ARHGAP6: variants seen among roughly 807,000 people sequenced by gnomAD.
ARHGAP6 encodes rho GTPase-activating protein 6.
ARHGAP6 carries 16 observed loss-of-function variants against 55.7 expected under a neutral mutation model. That is an observed-to-expected ratio of 0.29 (90% CI 0.19 to 0.44). ARHGAP6 has a LOEUF of 0.44. Among genes scored for constraint, ARHGAP6 ranks in the 20% least tolerant of loss-of-function variants. ARHGAP6 has a pLI of 1.00. For missense variants in ARHGAP6, 698 were observed against 808.9 expected, an observed-to-expected ratio of 0.86 and a Z score of 1.66; for synonymous variants, 382 against 360.9, an observed-to-expected ratio of 1.06 and a Z score of -0.66.
At chrX:11,506,337 C>A (rs895695340) in intron 1 of ARHGAP6, among the ~76,000 whole-genome samples, 1 of 110,881 alleles carries the variant, frequency 9.0e-6, no homozygotes. Context: ...GTTTGCCGCA[C>A]CCATCAACCT....
intron 1 of ARHGAP6, among the ~76,000 whole-genome samples, chrX:11,384,645 T>C (rs769442524): frequency 3.6e-5 from 4 of 112,171 alleles, no homozygotes; most frequent in Non-Finnish European, 5.6e-5. Flanking sequence ...GGGTAGAGAA[T>C]GCAGAATGAT....
chrX:11,355,305 T>C (rs1284728126), intron 1 of ARHGAP6, among the ~76,000 whole-genome samples: 4 of 112,321 alleles, frequency 3.6e-5, no homozygotes, highest in African/African-American at 1.3e-4. Flanking sequence ...TTGAAAGACA[T>C]TGAGGCATCC....
chrX:11,499,147 C>T (rs939386011), intron 1 of ARHGAP6, among the ~76,000 whole-genome samples: 3 of 112,120 alleles, frequency 2.7e-5, no homozygotes, highest in Admixed American at 9.5e-5. Context: ...TCTAAGAATG[C>T]CAAAACAAGT....
intron 1 of ARHGAP6, among the ~76,000 whole-genome samples, chrX:11,528,400 A>G (rs760510591): frequency 1.8e-5 from 2 of 111,980 alleles, no homozygotes; most frequent in Non-Finnish European, 3.8e-5. Context: ...GGCATATGTT[A>G]TATATTCCCC....
At chrX:11,458,108 A>G (rs913329247) in intron 1 of ARHGAP6, among the ~76,000 whole-genome samples, 3 of 112,261 alleles carry the variant, frequency 2.7e-5, no homozygotes, top group Non-Finnish European at 3.8e-5. Context: ...TACTTTAAAG[A>G]TCTTTCCTGT....
intron 1 of ARHGAP6, among the ~76,000 whole-genome samples, chrX:11,458,792 T>TGGA (rs1215321918): frequency 9.1e-6 from 1 of 110,066 alleles, no homozygotes; most frequent in African/African-American, 3.3e-5. Context: ...TCTGTCCTCA[T>TGGA]GGAGCTTACA....
chrX:11,354,899 G>T (rs1273018003), intron 1 of ARHGAP6, among the ~76,000 whole-genome samples: 1 of 111,640 alleles, frequency 9.0e-6, no homozygotes, highest in Non-Finnish European at 1.9e-5. Flanking sequence ...TAGGAAGAAT[G>T]CATAATATAA....
At chrX:11,356,710 T>A (rs1455976466) in intron 1 of ARHGAP6, among the ~76,000 whole-genome samples, 18 of 111,674 alleles carry the variant, frequency 1.6e-4, no homozygotes, top group Non-Finnish European at 1.5e-4. Context: ...ATTGTTAGAC[T>A]GTGCTTCAAC....
At chrX:11,351,944 T>C (rs2048868335) in intron 1 of ARHGAP6, among the ~76,000 whole-genome samples, 1 of 112,526 alleles carries the variant, frequency 8.9e-6, no homozygotes, top group Non-Finnish European at 1.9e-5. Context: ...AATACTTGAG[T>C]GATCATTGGA....
intron 1 of ARHGAP6, among the ~76,000 whole-genome samples, chrX:11,385,558 C>T (rs189698819): frequency 8.9e-6 from 1 of 111,776 alleles, no homozygotes. Context: ...TTTATTTGTT[C>T]TTTGAGGTGT....
At chrX:11,535,042 T>TC (rs1453455248) in intron 1 of ARHGAP6, among the ~76,000 whole-genome samples, 4 of 111,410 alleles carry the variant, frequency 3.6e-5, no homozygotes, top group African/African-American at 1.3e-4. Flanking sequence ...TCCTCCTTTA[T>TC]CTTATTAGTT....
intron 1 of ARHGAP6, among the ~76,000 whole-genome samples, chrX:11,649,618 T>C (rs1362907993): frequency 3.6e-5 from 4 of 112,039 alleles, no homozygotes; most frequent in Non-Finnish European, 7.5e-5. Flanking sequence ...ACCCAGATCC[T>C]GCCTTTGGGA....
chrX:11,516,376 C>T (rs983034587), intron 1 of ARHGAP6, among the ~76,000 whole-genome samples: 5 of 111,930 alleles, frequency 4.5e-5, no homozygotes, highest in African/African-American at 1.6e-4. Context: ...TCTTCCTAAA[C>T]TGAAACTCTA....
In ARHGAP6 at chrX:11,361,329, G is replaced by C. The variant is rs1458729891; in HGVS notation, c.589-106622C>G. On this transcript the variant is annotated intron_variant, in intron 1 of 12. Transcript: ENST00000337414. ...AGATATAGATCAATGGAATAGAACAGAGCCCTCAGAAATAACGCCGCATAT... is the reference window on the plus strand; with the variant it reads ...AGATATAGATCAATGGAATAGAACACAGCCCTCAGAAATAACGCCGCATAT... Among the ~76,000 whole-genome samples the C allele has an allele frequency of 2.0e-3, 219 of 110,202 alleles. 2 individuals are homozygous for C. The highest frequency in any genetic ancestry group is 3.6e-3 in the Non-Finnish European group (187 of 52,664).
intron 1 of ARHGAP6, among the ~76,000 whole-genome samples, chrX:11,516,490 A>G (rs893520058): frequency 8.9e-6 from 1 of 111,986 alleles, no homozygotes; most frequent in Non-Finnish European, 1.9e-5. Context: ...TATATTTTCA[A>G]TATCTCACCA....
intron 1 of ARHGAP6, among the ~76,000 whole-genome samples, chrX:11,457,066 C>T (rs753929114): frequency 4.5e-5 from 5 of 111,533 alleles, no homozygotes; most frequent in African/African-American, 6.5e-5. Context: ...GTAGTCACAG[C>T]TGGAACCCTG....
At chrX:11,562,309 C>G (rs1180837312) in intron 1 of ARHGAP6, among the ~76,000 whole-genome samples, 6 of 111,587 alleles carry the variant, frequency 5.4e-5, no homozygotes, top group African/African-American at 2.0e-4. Flanking sequence ...GAGGAACTGC[C>G]CTCAGATCCA....
intron 1 of ARHGAP6, among the ~76,000 whole-genome samples, chrX:11,331,304 C>T (rs1341508190): frequency 9.0e-6 from 1 of 111,481 alleles, no homozygotes; most frequent in Non-Finnish European, 1.9e-5. Context: ...CTACTCAGTC[C>T]ATTAGCATTT....
chrX:11,401,054 T>C (rs1269891838), intron 1 of ARHGAP6, among the ~76,000 whole-genome samples: 2 of 112,199 alleles, frequency 1.8e-5, no homozygotes, highest in African/African-American at 3.2e-5. Flanking sequence ...CCAAAAATAC[T>C]CTGCTTGGCC....
Sources: allele counts gnomAD v4.1 joint callset (sites outside exome capture counted in the v4.1 genomes callset), GRCh38; gene constraint gnomAD v4.1.1; transcripts MANE v1.5; gene names NCBI Gene and HGNC (gene_info 2026-07-23, HGNC 2026-07-21).